CIZ1: variants seen among roughly 807,000 people sequenced by gnomAD.
CIZ1 encodes CDKN1A interacting zinc finger protein 1.
A neutral mutation model predicts 118.6 loss-of-function variants in CIZ1; 58 were observed. The ratio of observed to expected loss-of-function variants is 0.49; its 90% CI spans 0.40 to 0.61. The LOEUF (loss-of-function observed/expected upper bound fraction) is 0.61, where lower values mean the gene tolerates loss of function less well. Among genes scored for constraint, CIZ1 ranks in the 20% least tolerant of loss-of-function variants. The pLI, the probability that CIZ1 is intolerant of heterozygous loss-of-function variation, is 0.00. For synonymous variants in CIZ1, 448 were observed against 443.4 expected (o/e 1.01, Z -0.13); for missense variants, 921 against 1,115.9 (o/e 0.83, Z 2.49).
chr9:128,186,511 C>G (rs376210341), intron 4 of CIZ1, among the ~76,000 whole-genome samples: 1 of 152,222 alleles, frequency 6.6e-6, no homozygotes, highest in Non-Finnish European at 1.5e-5. Flanking sequence ...CCACTTGATC[C>G]TTTGCCTGAA....
intron 3 of CIZ1, 65 bp downstream of exon 3, chr9:128,190,264 G>A (rs1192362854): frequency 1.8e-6 from 2 of 1,141,662 alleles, no homozygotes; most frequent in Non-Finnish European, 2.6e-6. Flanking sequence ...TTGAGATTTA[G>A]AGCAATGCGC....
rs183958510 is a variant in CIZ1 at position 128,167,087 on chromosome 9, G to T, written c.2365+8C>A. On this transcript the variant is annotated splice_region_variant and intron_variant, in intron 15 of 16. Transcript: ENST00000372938. ...CTCCTGCAGGTGGGCTCAGAGCTGG[G>T]GCCTTACCATATGCAGTATTGGGGC... is the stretch of plus-strand genomic sequence containing the variant. 6.3e-7 allele frequency: 1 copy of T among 1,594,350 alleles called. No homozygotes were observed. The highest frequency in any genetic ancestry group is 1.3e-5 in the African/African-American group (1 of 74,758).
At chr9:128,198,572 G>A (rs567090239) in intron 1 of CIZ1, among the ~76,000 whole-genome samples, 1 of 152,294 alleles carries the variant, frequency 6.6e-6, no homozygotes, top group South Asian at 2.1e-4. Flanking sequence ...GGTGGCTCAT[G>A]CCTGTAATCC....
At chr9:128,199,892 A>T (rs1348098510) in intron 1 of CIZ1, 1 of 150,048 alleles carries the variant, frequency 6.7e-6, no homozygotes, top group Admixed American at 6.7e-5. Flanking sequence ...AGGTTCAAGC[A>T]ATTCTCCCAC....
chr9:128,166,471 G>A lies in CIZ1; in HGVS notation c.2488-65C>T. ...CTACATGGTATGCTCCTGGCCAGCA[G>A]CTACTTCCCCAGCTCTGGCTGAGAC... is the stretch of plus-strand genomic sequence containing the variant. On this transcript the variant is annotated intron_variant, in intron 16 of 16. Transcript: ENST00000372938. The surrounding 1 kb of genome is among the most constrained non-coding windows in gnomAD (Gnocchi z 4.4). The A allele has an allele frequency of 7.8e-7, 1 of 1,279,608 alleles. No homozygotes were observed. The highest frequency in any genetic ancestry group is 1.5e-5 in the South Asian group (1 of 67,460). The allele number at this position is 1,279,608 out of a possible 1,614,324, so 79.3% of individuals were successfully genotyped here. A position where few individuals can be genotyped will look rare whatever the true frequency, so the allele number is the denominator to read the frequency against.
At chr9:128,185,522 ACTCC>A in intron 5 of CIZ1, 21 bp downstream of exon 5, 8 of 1,015,838 alleles carry the variant, frequency 7.9e-6, no homozygotes, top group Admixed American at 2.5e-5. Flanking sequence ...CCTCCCGCCC[ACTCC>A]CATCCCCACC....
rs1402875801 is a variant in CIZ1, at chr9:128,166,803, G to A, written c.2443C>T (p.Gln815Ter). ...HKFYHSNSGAQLSHCKSLGHF... is the reference protein window; with the variant it reads ...HKFYHSNSGA Reference sequence around the variant, plus strand: ...CCCAGGGACTTGCAGTGGGAGAGCTGTGCCCCTGAGTTGCTGTGATAGAAC... The same window carrying A: ...CCCAGGGACTTGCAGTGGGAGAGCTATGCCCCTGAGTTGCTGTGATAGAAC... Residue 815 changes from glutamine to a stop codon, truncating the protein, a stop_gained, in exon 16 of 17, where the codon CAG becomes TAG. Transcript: ENST00000372938. LOFTEE classifies it high-confidence loss of function. This position sits in a 1 kb window ranked among gnomAD's most constrained non-coding sequence, Gnocchi z 4.4. 6.2e-7 allele frequency: 1 copy of A among 1,614,222 alleles called. No individual in the cohort carries two copies. The highest frequency in any genetic ancestry group is 8.5e-7 in the Non-Finnish European group (1 of 1,180,030).
chr9:128,195,528 G>C (rs1315862363), upstream of CIZ1, among the ~76,000 whole-genome samples: 1 of 152,046 alleles, frequency 6.6e-6, no homozygotes, highest in African/African-American at 2.4e-5. Context: ...ATGTTGACTA[G>C]GCTGGTCTCA....
upstream of CIZ1, among the ~76,000 whole-genome samples, chr9:128,194,469 C>A (rs1833327968): frequency 6.6e-6 from 1 of 150,936 alleles, no homozygotes; most frequent in African/African-American, 2.4e-5. Flanking sequence ...GAGACTTTTA[C>A]AAGATAGCAG....
At position 128,166,135 on chromosome 9, in the gene CIZ1, G is replaced by T; in HGVS notation, c.*62C>A. The T allele has an allele frequency of 8.7e-7, 1 of 1,148,138 alleles. No homozygotes were observed. 71.1% of individuals were successfully genotyped at this position (1,148,138 alleles called of 1,614,324 possible). On this transcript the variant is annotated 3_prime_UTR_variant, in exon 17 of 17. Coordinates refer to ENST00000372938, the MANE Select transcript of CIZ1 (RefSeq NM_001131016.2). This position sits in a 1 kb window ranked among gnomAD's most constrained non-coding sequence, Gnocchi z 4.4. ...TGAACCATGTCAAAGTTTCCAGGCA[G>T]ACTCCTAAAAAGCATTAGCAGATCT...
chr9:128,199,393 G>C (rs115932937), intron 1 of CIZ1, among the ~76,000 whole-genome samples: 1 of 151,496 alleles, frequency 6.6e-6, no homozygotes, highest in African/African-American at 2.4e-5. Flanking sequence ...GCCCAGCACA[G>C]TTGGTGGTCA....
chr9:128,186,823 T>C (rs1832432035), intron 4 of CIZ1, among the ~76,000 whole-genome samples: 1 of 152,114 alleles, frequency 6.6e-6, no homozygotes, highest in African/African-American at 2.4e-5. Context: ...ACTGACACCC[T>C]TCAGACCTCC....
rs1338004854 is a variant in CIZ1 at position 128,179,423 on chromosome 9, G to A, written c.792-8C>T. On this transcript the variant is annotated splice_region_variant and splice_polypyrimidine_tract_variant and intron_variant, in intron 7 of 16. Transcript: ENST00000372938. Reference sequence around the variant, plus strand: ...TCTGTGGGCTCTTCTGAGCTAGGAAGGATCAAAAAAAAATCCCAGTCATGT... The same window carrying A: ...TCTGTGGGCTCTTCTGAGCTAGGAAAGATCAAAAAAAAATCCCAGTCATGT... 2.6e-6 allele frequency: 4 copies of A among 1,556,254 alleles called. No homozygotes were observed. The highest frequency in any genetic ancestry group is 2.1e-5 in the Admixed American group (1 of 47,798).
chr9:128,189,422 T>C (rs1418852432), intron 3 of CIZ1, among the ~76,000 whole-genome samples: 5 of 152,180 alleles, frequency 3.3e-5, no homozygotes, highest in African/African-American at 1.2e-4. Flanking sequence ...TACCGACTTG[T>C]TATGTAATCT....
upstream of CIZ1, among the ~76,000 whole-genome samples, chr9:128,194,632 C>A (rs1833332291): frequency 6.6e-6 from 1 of 152,088 alleles, no homozygotes; most frequent in Admixed American, 6.6e-5. Flanking sequence ...GCCTGGCCAA[C>A]ATAGTGAAAC....
Position 128,203,612 on chromosome 9 carries a change from C to T in CIZ1, c.-6+574G>A. On this transcript the variant is annotated intron_variant, in intron 1 of 17. Coordinates refer to the CIZ1 transcript ENST00000372948. This position sits in a 1 kb window ranked among gnomAD's most constrained non-coding sequence, Gnocchi z 5.3. ...CCAGAGCGCCGGCAAGAGCTCGGTGCTCGAGAATTTCGTAGGCAGGTAGGC... is the reference window on the plus strand; with the variant it reads ...CCAGAGCGCCGGCAAGAGCTCGGTGTTCGAGAATTTCGTAGGCAGGTAGGC... The T allele has an allele frequency of 6.5e-7, 1 of 1,542,420 alleles. No individual in the cohort carries two copies. Among genetic ancestry groups the T allele is most frequent in the Non-Finnish European group, 8.7e-7 (1 of 1,149,912 alleles).
chr9:128,171,301 C>T (rs1006063088), intron 11 of CIZ1, among the ~76,000 whole-genome samples: 9 of 150,616 alleles, frequency 6.0e-5, no homozygotes, highest in Non-Finnish European at 4.4e-5. Flanking sequence ...TGGTGGTGTG[C>T]ACCTATAGTC....
intron 11 of CIZ1, among the ~76,000 whole-genome samples, chr9:128,171,335 G>A (rs1830091258): frequency 1.3e-5 from 2 of 151,842 alleles, no homozygotes; most frequent in South Asian, 4.1e-4. Flanking sequence ...AAGTTGAGGT[G>A]GGAGAATTCC....
At position 128,203,705 on chromosome 9, in the gene CIZ1, G is replaced by A; in HGVS notation, c.-6+481C>T. 7.5e-7 allele frequency: 1 copy of A among 1,333,648 alleles called. No homozygotes were observed. The highest frequency in any genetic ancestry group is 9.6e-7 in the Non-Finnish European group (1 of 1,041,600). 82.6% of individuals were successfully genotyped at this position (1,333,648 alleles called of 1,614,324 possible). ...TGGAGTCCCCGCCCGGGGCACTGACGGCGCGGCGACCTCGCAGCCCCCGAC... is the reference window on the plus strand; with the variant it reads ...TGGAGTCCCCGCCCGGGGCACTGACAGCGCGGCGACCTCGCAGCCCCCGAC... On this transcript the variant is annotated intron_variant, in intron 1 of 17. Coordinates refer to the CIZ1 transcript ENST00000372948. This position sits in a 1 kb window ranked among gnomAD's most constrained non-coding sequence, Gnocchi z 5.3.
Sources: allele counts gnomAD v4.1 joint callset (sites outside exome capture counted in the v4.1 genomes callset), GRCh38; gene constraint gnomAD v4.1.1; non-coding constraint Gnocchi (gnomAD v3.1); transcripts MANE v1.5; gene names NCBI Gene and HGNC (gene_info 2026-07-23, HGNC 2026-07-21).